Variants in ZFHX4 observed in about 807,000 individuals in gnomAD.
ZFHX4 encodes zinc finger homeobox protein 4.
Under a neutral mutation model 267.6 loss-of-function variants are expected in ZFHX4, and 56 were observed. The ratio of observed to expected loss-of-function variants is 0.21; its 90% CI spans 0.17 to 0.26. ZFHX4 has a LOEUF of 0.26. Among genes scored for constraint, ZFHX4 ranks in the 10% least tolerant of loss-of-function variants. The pLI is 1.00. For synonymous variants in ZFHX4, 1,778 were observed against 1,665.6 expected (o/e 1.07, Z -1.64); for missense variants, 4,332 against 4,420.0 (o/e 0.98, Z 0.56).
intron 4 of ZFHX4, among the ~76,000 whole-genome samples, chr8:76,791,578 C>T (rs1230534958): frequency 6.6e-6 from 1 of 152,042 alleles, no homozygotes; most frequent in Non-Finnish European, 1.5e-5. Flanking sequence ...AATTTCATTC[C>T]TGTACAAAGT....
chr8:76,823,375 C>G (rs1811704705), intron 4 of ZFHX4, among the ~76,000 whole-genome samples: 1 of 152,182 alleles, frequency 6.6e-6, no homozygotes, highest in African/African-American at 2.4e-5. Flanking sequence ...TCTCATCAAT[C>G]TGTTTGCTCA....
In ZFHX4 at chr8:76,851,250, C is replaced by T. The variant is rs750979799; in HGVS notation, c.4329C>T (p.His1443=). The change falls in exon 10 of 11, where the codon CAC becomes CAT. Residue 1443 remains histidine (H), a synonymous_variant. Coordinates refer to ENST00000651372, the MANE Select transcript of ZFHX4 (RefSeq NM_024721.5). ...GTACATTCCAGGCTTTAAAAAAACACTTGGAAGCAGGCCACCCTGAACTGA... is the reference window on the plus strand; with the variant it reads ...GTACATTCCAGGCTTTAAAAAAACATTTGGAAGCAGGCCACCCTGAACTGA... ...SFRTFQALKK[H]LEAGHPELSE... is the part of the protein sequence containing the mutation. 6.2e-7 allele frequency: 1 copy of T among 1,613,822 alleles called. No homozygotes were observed. Among genetic ancestry groups the T allele is most frequent in the South Asian group, 1.1e-5 (1 of 91,048 alleles).
At chr8:76,738,224 C>T (rs75415547) in intron 3 of ZFHX4, among the ~76,000 whole-genome samples, 4,380 of 152,172 alleles carry the variant, frequency 0.029, 213 homozygotes, top group African/African-American at 0.095. Context: ...GCCCCTGAAC[C>T]CTAGGTGCCC....
chr8:76,848,630 TAAATGTTAGTAG>T (rs1449003334), intron 6 of ZFHX4, among the ~76,000 whole-genome samples: 1 of 152,166 alleles, frequency 6.6e-6, no homozygotes, highest in Non-Finnish European at 1.5e-5. Flanking sequence ...GATAGGTAAT[TAAATGTTAGTAG>T]AAATAATGAT....
rs568975795 is a variant in ZFHX4 at position 76,769,958 on chromosome 8, C to T, written c.3094-8250C>T. Among the ~76,000 whole-genome samples the T allele has an allele frequency of 3.3e-5, 5 of 152,200 alleles. No individual in the cohort carries two copies. The East Asian group carries it at 9.7e-4, about 29-fold the overall frequency. ...GGTCAGAAACTGTGGGAGCTGCTGC[C>T]TCCTGCTACTGTCTCCTGCTACTGT... On this transcript the variant is annotated intron_variant, in intron 3 of 10. Transcript: ENST00000651372.
At chr8:76,760,460 A>G (rs1809879889) in intron 3 of ZFHX4, among the ~76,000 whole-genome samples, 2 of 152,190 alleles carry the variant, frequency 1.3e-5, no homozygotes, top group African/African-American at 2.4e-5. Context: ...TTGAGAGTAG[A>G]GACAAATACT....
intron 3 of ZFHX4, among the ~76,000 whole-genome samples, chr8:76,761,828 A>G (rs1809922130): frequency 6.6e-6 from 1 of 152,194 alleles, no homozygotes; most frequent in South Asian, 2.1e-4. Flanking sequence ...TGTTTAGGGC[A>G]ATCTCTTTGC....
intron 4 of ZFHX4, among the ~76,000 whole-genome samples, chr8:76,812,994 C>G (rs1191457908): frequency 1.3e-5 from 2 of 152,166 alleles, no homozygotes; most frequent in Non-Finnish European, 2.9e-5. Context: ...GAATTACATA[C>G]TATTGTGATA....
intron 3 of ZFHX4, among the ~76,000 whole-genome samples, chr8:76,747,285 A>T (rs1044152881): frequency 1.1e-4 from 16 of 152,052 alleles, no homozygotes; most frequent in African/African-American, 3.9e-4. Context: ...TCCAGCTTTT[A>T]TTTTAGGTTC....
At chr8:76,702,646 T>A (rs1297611238) in intron 1 of ZFHX4, among the ~76,000 whole-genome samples, 1 of 152,184 alleles carries the variant, frequency 6.6e-6, no homozygotes, top group Non-Finnish European at 1.5e-5. Context: ...CAATATGATA[T>A]GCAATGTAAT....
chr8:76,689,771 G>A (rs1807779341), intron 1 of ZFHX4, among the ~76,000 whole-genome samples: 1 of 152,022 alleles, frequency 6.6e-6, no homozygotes, highest in Non-Finnish European at 1.5e-5. Flanking sequence ...AAAGGTTTGT[G>A]AATAGAATCA....
At chr8:76,780,021 T>C (rs559803501) in intron 4 of ZFHX4, among the ~76,000 whole-genome samples, 70 of 151,470 alleles carry the variant, frequency 4.6e-4, no homozygotes, top group Non-Finnish European at 9.0e-4. Flanking sequence ...AAAAGATATG[T>C]TCAAATGATT....
chr8:76,801,393 C>T (rs570816371), intron 4 of ZFHX4, among the ~76,000 whole-genome samples: 4 of 152,132 alleles, frequency 2.6e-5, no homozygotes, highest in South Asian at 4.1e-4. Flanking sequence ...TTAAAAGGAC[C>T]GTTTAACCTT....
intron 1 of ZFHX4, among the ~76,000 whole-genome samples, chr8:76,685,844 G>A (rs1807679234): frequency 6.6e-6 from 1 of 152,172 alleles, no homozygotes; most frequent in Non-Finnish European, 1.5e-5. Flanking sequence ...AGCTATCATT[G>A]CATTTTGTGG....
intron 9 of ZFHX4, 44 bp from the exon 10 acceptor site, chr8:76,850,842 G>A (rs780347473): frequency 2.3e-5 from 34 of 1,458,108 alleles, no homozygotes; most frequent in Non-Finnish European, 2.8e-5. Context: ...TTAAGGAGTA[G>A]GTTTTCTTAT....
intron 4 of ZFHX4, among the ~76,000 whole-genome samples, chr8:76,799,908 AAAACG>A (rs1326287112): frequency 1.3e-5 from 2 of 152,176 alleles, no homozygotes; most frequent in Non-Finnish European, 2.9e-5. Context: ...ATCACTGCAA[AAAACG>A]AAATTCCGAG....
At chr8:76,727,812 C>G (rs886896721) in intron 3 of ZFHX4, among the ~76,000 whole-genome samples, 2 of 152,116 alleles carry the variant, frequency 1.3e-5, no homozygotes, top group Non-Finnish European at 2.9e-5. Flanking sequence ...CCCATTTAAC[C>G]TTCTGTTCTT....
At position 76,803,261 on chromosome 8, in the gene ZFHX4, TGC is replaced by T. The variant is rs1199607058; in HGVS notation, c.3325+24824_3325+24825del. Among the ~76,000 whole-genome samples, 14 of 151,206 alleles carry T rather than the reference TGC, an allele frequency of 9.3e-5. 1 individual carries two copies. In the East Asian group the frequency reaches 1.4e-3, roughly 15 times the overall value. On this transcript the variant is annotated intron_variant, in intron 4 of 10. Transcript: ENST00000651372. ...TTGTGTGTGTGTGCATGCGCGTGTG[TGC>T]GTGTGTGTGTGTGTGTGTGTGGTAT... is the stretch of plus-strand genomic sequence containing the variant.
rs764352423 is a variant in ZFHX4, at chr8:76,851,760, G to A, written c.4839G>A (p.Arg1613=). The part of the protein sequence containing the change: ...SQSSTLEIHM[R]SVLHQTKARA... ...GCTCAACATTGGAAATCCACATGAGGTCTGTGCTCCACCAGACAAAGGCTA... is the reference window on the plus strand; with the variant it reads ...GCTCAACATTGGAAATCCACATGAGATCTGTGCTCCACCAGACAAAGGCTA... Residue 1613 remains arginine, a synonymous_variant, in exon 10 of 11, where the codon AGG becomes AGA. Transcript: ENST00000651372. 1.1e-5 allele frequency: 18 copies of A among 1,613,824 alleles called. No homozygotes were observed. The highest frequency in any genetic ancestry group is 1.4e-5 in the Non-Finnish European group (16 of 1,179,888).
Sources: allele counts gnomAD v4.1 joint callset (sites outside exome capture counted in the v4.1 genomes callset), GRCh38; gene constraint gnomAD v4.1.1; transcripts MANE v1.5; gene names NCBI Gene and HGNC (gene_info 2026-07-23, HGNC 2026-07-21).